Variants in PKHD1L1 observed in about 807,000 individuals in gnomAD.
PKHD1L1 encodes the protein PKHD1 like 1.
Under a neutral mutation model 462.9 loss-of-function variants are expected in PKHD1L1, and 434 were observed. The observed-to-expected ratio is 0.94, with a 90% CI of 0.87 to 1.02. The LOEUF (loss-of-function observed/expected upper bound fraction) is 1.02. PKHD1L1 is among the 50% of genes least tolerant of loss of function. The probability of loss-of-function intolerance (pLI) is 0.00; values close to 1 mark genes in which losing one functional copy is unlikely to be tolerated. For missense variants in PKHD1L1, 5,202 were observed against 5,096.1 expected (o/e 1.02, Z -0.63); for synonymous variants, 1,781 against 1,750.0 (o/e 1.02, Z -0.44).
chr8:109,389,878 C>A (rs1315531344), intron 8 of PKHD1L1, among the ~76,000 whole-genome samples: 1 of 152,090 alleles, frequency 6.6e-6, no homozygotes, highest in Non-Finnish European at 1.5e-5. Context: ...AGGCCCTTTG[C>A]AAACTTCCTA....
intron 23 of PKHD1L1, among the ~76,000 whole-genome samples, chr8:109,421,818 C>G (rs1301121433): frequency 6.6e-6 from 1 of 152,080 alleles, no homozygotes; most frequent in Non-Finnish European, 1.5e-5. Flanking sequence ...ATTCAAGGCT[C>G]TGTATTCTCA....
chr8:109,497,071 A>T lies in PKHD1L1; in HGVS notation c.10476+4A>T, dbSNP rs57909958. 13,620 of 1,613,144 alleles carry T rather than the reference A, an allele frequency of 8.4e-3. 99 individuals carry two copies. Among genetic ancestry groups the T allele is most frequent in the Middle Eastern group, 0.041 (246 of 6,058 alleles). ...GGATTATGGAATTTATTTTCAGGTA[A>T]TTATGATTAAAGATGGTGATTGTTT... On this transcript the variant is annotated splice_donor_region_variant and intron_variant, in intron 64 of 77. Transcript: ENST00000378402.
intron 14 of PKHD1L1, among the ~76,000 whole-genome samples, chr8:109,403,235 T>G (rs916444847): frequency 1.3e-5 from 2 of 152,208 alleles, no homozygotes; most frequent in African/African-American, 2.4e-5. Flanking sequence ...GCTGGTTTAT[T>G]GTAAAGTGGC....
rs1812173891 is a variant in PKHD1L1 at position 109,382,463 on chromosome 8, A to G, written c.309A>G (p.Arg103=). The G allele has an allele frequency of 1.2e-6, 2 of 1,603,038 alleles. No individual in the cohort carries two copies. Among genetic ancestry groups the G allele is most frequent in the African/African-American group, 1.3e-5 (1 of 74,226 alleles). The stretch of plus-strand genomic sequence containing the variant: ...CATATATTCTTCATTTTCTTTATAG[A>G]GCAATGCCGGAAGATTCCTACACTG... ...SHSTQITCYT[R]AMPEDSYTVR... Residue 103 remains arginine, a splice_region_variant and synonymous_variant, in exon 4 of 78, where the codon AGA becomes AGG. Coordinates refer to ENST00000378402, the MANE Select transcript of PKHD1L1 (RefSeq NM_177531.6).
intron 6 of PKHD1L1, among the ~76,000 whole-genome samples, chr8:109,387,781 G>C (rs1285009273): frequency 6.6e-6 from 1 of 152,104 alleles, no homozygotes; most frequent in African/African-American, 2.4e-5. Context: ...ATTTTTTATA[G>C]TTCAAGTTTG....
intron 40 of PKHD1L1, 24 bp downstream of exon 40, chr8:109,449,511 G>T (rs1173982089): frequency 2.1e-5 from 33 of 1,547,460 alleles, no homozygotes; most frequent in Non-Finnish European, 2.7e-5. Context: ...AAAAGTAATG[G>T]CAGTCTTTGA....
At chr8:109,504,562 T>A (rs2130965765) in intron 68 of PKHD1L1, 70 bp downstream of exon 68, 1 of 980,266 alleles carries the variant, frequency 1.0e-6, no homozygotes, top group East Asian at 3.2e-5. Context: ...CTGCTCAAGA[T>A]CTGAGAAAGT....
intron 65 of PKHD1L1, among the ~76,000 whole-genome samples, 158 bp downstream of exon 65, chr8:109,497,430 CTTTT>C (rs11475834): frequency 2.6e-5 from 3 of 113,500 alleles, no homozygotes; most frequent in Admixed American, 1.0e-4. Context: ...AAAAACCGTT[CTTTT>C]TTTTTTTTTT....
intron 16 of PKHD1L1, among the ~76,000 whole-genome samples, chr8:109,405,703 C>A (rs577158003): frequency 7.0e-6 from 1 of 143,604 alleles, no homozygotes; most frequent in African/African-American, 2.6e-5. Context: ...GGGGTCGGCA[C>A]GGGGAGGGCA....
chr8:109,532,311 C>A lies in PKHD1L1; in HGVS notation c.*2221C>A, dbSNP rs866194442. On this transcript the variant is annotated 3_prime_UTR_variant, in exon 78 of 78. Coordinates refer to ENST00000378402, the MANE Select transcript of PKHD1L1 (RefSeq NM_177531.6). ...TGGCTGTCTGCTTTTTAAGAACATT[C>A]TAGAATTATCATAATAATTCCTTAT... Among the ~76,000 whole-genome samples the A allele has an allele frequency of 3.3e-4, 50 of 152,284 alleles. No individual in the cohort carries two copies. The highest frequency in any genetic ancestry group is 3.4e-3 in the Middle Eastern group (1 of 292).
intron 65 of PKHD1L1, among the ~76,000 whole-genome samples, 158 bp downstream of exon 65, chr8:109,497,430 C>CTTTTTTT (rs11475834): frequency 1.8e-5 from 2 of 113,520 alleles, no homozygotes; most frequent in Non-Finnish European, 3.6e-5. Flanking sequence ...AAAAACCGTT[C>CTTTTTTT]TTTTTTTTTT....
chr8:109,395,960 A>T (rs1001856080), intron 10 of PKHD1L1, 67 bp from the exon 11 acceptor site: 24 of 1,155,492 alleles, frequency 2.1e-5, no homozygotes, highest in Middle Eastern at 1.9e-4. Context: ...TGGAATTTTT[A>T]AAAAATCAGG....
chr8:109,442,251 A>G, intron 35 of PKHD1L1, 56 bp downstream of exon 35: 1 of 1,458,236 alleles, frequency 6.9e-7, no homozygotes, highest in South Asian at 1.3e-5. Flanking sequence ...AATGTAATAA[A>G]ATGACATTTT....
chr8:109,515,184 A>C lies in PKHD1L1; in HGVS notation c.11568A>C (p.Gly3856=). 6.3e-7 allele frequency: 1 copy of C among 1,591,398 alleles called. No homozygotes were observed. Among genetic ancestry groups the C allele is most frequent in the Non-Finnish European group, 8.6e-7 (1 of 1,169,298 alleles). The stretch of plus-strand genomic sequence containing the variant: ...TTCTTTAATAGGCTGTTCTAGTAGG[A>C]ATTTTCTTTTCCACACTTCAACGTT... ...NVDHNKAVLV[G]IFFSTLQRLD... Residue 3856 remains glycine, a synonymous_variant, in exon 72 of 78, where the codon GGA becomes GGC. Transcript: ENST00000378402.
chr8:109,371,596 T>A (rs1473466036), intron 2 of PKHD1L1, among the ~76,000 whole-genome samples: 1 of 145,254 alleles, frequency 6.9e-6, no homozygotes, highest in African/African-American at 2.5e-5. Context: ...ATGTCCTGAA[T>A]GGTATTGCCT....
chr8:109,518,066 T>C (rs1395392244), intron 72 of PKHD1L1, 101 bp from the exon 73 acceptor site: 1 of 758,844 alleles, frequency 1.3e-6, no homozygotes, highest in Non-Finnish European at 2.0e-6. Context: ...TAAAGTTGAA[T>C]TTGGGGGACT....
intron 71 of PKHD1L1, among the ~76,000 whole-genome samples, chr8:109,514,433 A>G (rs1820160867): frequency 6.6e-6 from 1 of 152,188 alleles, no homozygotes; most frequent in Admixed American, 6.5e-5. Flanking sequence ...GCCAGCACTT[A>G]GAATACCACA....
chr8:109,403,275 T>G (rs1813366437), intron 14 of PKHD1L1, among the ~76,000 whole-genome samples: 1 of 152,196 alleles, frequency 6.6e-6, no homozygotes, highest in Non-Finnish European at 1.5e-5. Context: ...GTAGCTCATA[T>G]TGCTAAATCA....
Position 109,523,337 on chromosome 8 carries a change from G to A in PKHD1L1, c.12435G>A (p.Pro4145=), listed in dbSNP as rs376016681. 64 of 1,612,820 alleles carry A rather than the reference G, an allele frequency of 4.0e-5. No individual in the cohort carries two copies. The African/African-American group carries it at 4.7e-4, about 12-fold the overall frequency. ...VNGLSGNTTI[P]FSSCWANYTD... ...GCCTTAGTGGAAATACAACAATTCC[G>A]TTTAGCAGCTGTTGGGCCAACTACA... The change falls in exon 76 of 78, where the codon CCG becomes CCA. Residue 4145 remains proline, a synonymous_variant. Coordinates refer to ENST00000378402, the MANE Select transcript of PKHD1L1 (RefSeq NM_177531.6).
Sources: allele counts gnomAD v4.1 joint callset (sites outside exome capture counted in the v4.1 genomes callset), GRCh38; gene constraint gnomAD v4.1.1; transcripts MANE v1.5; gene names NCBI Gene and HGNC (gene_info 2026-07-23, HGNC 2026-07-21).